Variants in ZNF282 observed in about 807,000 individuals in gnomAD.
ZNF282 encodes the protein HTLV-I U5 repressive element-binding protein 1.
Under a neutral mutation model 61.9 loss-of-function variants are expected in ZNF282, and 30 were observed. The ratio of observed to expected loss-of-function variants is 0.48; its 90% CI spans 0.36 to 0.66. The LOEUF is 0.66. Among genes scored for constraint, ZNF282 ranks in the 30% least tolerant of loss-of-function variants. ZNF282 has a pLI of 0.00. For synonymous variants in ZNF282, 396 were observed against 405.0 expected (o/e 0.98, Z 0.27); for missense variants, 788 against 941.4 (o/e 0.84, Z 2.13).
chr7:149,206,412 T>C (rs1795991251), intron 2 of ZNF282, among the ~76,000 whole-genome samples: 1 of 152,216 alleles, frequency 6.6e-6, no homozygotes, highest in Non-Finnish European at 1.5e-5. Flanking sequence ...GCATATTGAC[T>C]ACTCTTTACC....
chr7:149,217,740 G>T (rs1796181521), intron 7 of ZNF282, among the ~76,000 whole-genome samples: 1 of 152,124 alleles, frequency 6.6e-6, no homozygotes, highest in Non-Finnish European at 1.5e-5. Flanking sequence ...GTCAGGAAAG[G>T]CCTCCGAGGG....
In ZNF282 at chr7:149,223,805, TC is replaced by T; in HGVS notation, c.1181-3del. On this transcript the variant is annotated splice_polypyrimidine_tract_variant and splice_region_variant and intron_variant, in intron 7 of 7. Transcript: ENST00000610704. ...TGTCAGCATGTCACTTCTTCCTATC[TC>T]CCCAGGTGACAGCCTGCTGATGGTG... 2 of 1,486,876 alleles carry T rather than the reference TC, an allele frequency of 1.3e-6. No individual in the cohort carries two copies. The highest frequency in any genetic ancestry group is 1.8e-6 in the Non-Finnish European group (2 of 1,127,422). The allele number at this position is 1,486,876 out of a possible 1,614,324, so 92.1% of individuals were successfully genotyped here. A position where few individuals can be genotyped will look rare whatever the true frequency, so the allele number is the denominator to read the frequency against.
chr7:149,222,003 A>C (rs1796261983), intron 7 of ZNF282, among the ~76,000 whole-genome samples: 1 of 137,520 alleles, frequency 7.3e-6, no homozygotes, highest in African/African-American at 2.7e-5. Flanking sequence ...GGACTCCTCT[A>C]GGGAGAAAGG....
In ZNF282 at chr7:149,224,720, TGTCCTCAGCCACC is replaced by T. The variant is rs1227945174; in HGVS notation, c.*77_*89del. ...CCTGAGCACCAACCACCTTGCCGGG[TGTCCTCAGCCACC>T]GTCTGGAAATCGGCAACAGGCATTG... On this transcript the variant is annotated 3_prime_UTR_variant, in exon 8 of 8. Transcript: ENST00000610704. 34 of 1,440,540 alleles carry T rather than the reference TGTCCTCAGCCACC, an allele frequency of 2.4e-5. No homozygotes were observed. The highest frequency in any genetic ancestry group is 2.9e-5 in the Non-Finnish European group (32 of 1,102,672). 89.2% of individuals were successfully genotyped at this position (1,440,540 alleles called of 1,614,324 possible).
rs904382934 is a variant in ZNF282, at chr7:149,198,859, G to A, written c.585+107G>A. 1.3e-5 allele frequency: 19 copies of A among 1,428,272 alleles called. No individual in the cohort carries two copies. The highest frequency in any genetic ancestry group is 1.9e-4 in the Middle Eastern group (1 of 5,248). 88.5% of individuals were successfully genotyped at this position (1,428,272 alleles called of 1,614,324 possible). A position where few individuals can be genotyped will look rare whatever the true frequency, so the allele number is the denominator to read the frequency against. On this transcript the variant is annotated intron_variant, in intron 2 of 7. Coordinates refer to ENST00000610704, the MANE Select transcript of ZNF282 (RefSeq NM_003575.4). This position sits in a 1 kb window ranked among gnomAD's most constrained non-coding sequence, Gnocchi z 4.3. ...TTCTCATAAACTTCTCTGGCTCCCC[G>A]TTATCCAATTTCAGTGTCTTCTTAA...
intron 6 of ZNF282, among the ~76,000 whole-genome samples, chr7:149,212,913 A>G (rs1470121013): frequency 3.3e-5 from 5 of 152,222 alleles, no homozygotes; most frequent in Admixed American, 1.3e-4. Context: ...AATAAAAACA[A>G]CCAAAAAGCA....
chr7:149,222,046 C>T lies in ZNF282; in HGVS notation c.1181-1766C>T, dbSNP rs74594518. Among the ~76,000 whole-genome samples, 751 of 80,482 alleles carry T rather than the reference C, an allele frequency of 9.3e-3. 9 individuals carry two copies. Among genetic ancestry groups the T allele is most frequent in the African/African-American group, 0.033 (688 of 21,028 alleles). The allele number at this position is 80,482 out of a possible 152,430, so 52.8% of individuals were successfully genotyped here. A position where few individuals can be genotyped will look rare whatever the true frequency, so the allele number is the denominator to read the frequency against. On this transcript the variant is annotated intron_variant, in intron 7 of 7. Transcript: ENST00000610704. ...ACTGAAGACCAGGGAGGTGATGGAG[C>T]GTGAGGCATGAGAACCACTGGGCTG...
chr7:149,195,782 C>G, intron 1 of ZNF282, 28 bp downstream of exon 1: 3 of 1,467,702 alleles, frequency 2.0e-6, no homozygotes, highest in Non-Finnish European at 2.7e-6. Flanking sequence ...GCGCCATGGC[C>G]GCGCTGCCGT....
intron 7 of ZNF282, 134 bp downstream of exon 7, chr7:149,213,948 T>C (rs1419822382): frequency 1.6e-6 from 1 of 622,086 alleles, no homozygotes; most frequent in African/African-American, 1.8e-5. Context: ...GTTTCAAAGT[T>C]CTGCACCAAA....
chr7:149,224,687 G>C lies in ZNF282; in HGVS notation c.*40G>C, dbSNP rs779007095. The C allele has an allele frequency of 2.1e-6, 3 of 1,452,990 alleles. No homozygotes were observed. In the South Asian group the frequency reaches 4.2e-5, roughly 20 times the overall value. The allele number at this position is 1,452,990 out of a possible 1,614,324, so 90.0% of individuals were successfully genotyped here. A position where few individuals can be genotyped will look rare whatever the true frequency, so the allele number is the denominator to read the frequency against. The stretch of plus-strand genomic sequence containing the variant: ...AGGGCAGGGCCGGACGGAGTGGATC[G>C]GGGGCGGCCTGAGCACCAACCACCT... On this transcript the variant is annotated 3_prime_UTR_variant, in exon 8 of 8. Coordinates refer to ENST00000610704, the MANE Select transcript of ZNF282 (RefSeq NM_003575.4).
chr7:149,222,945 C>CGAAAAGATTTGT (rs1300962621), intron 7 of ZNF282, among the ~76,000 whole-genome samples: 1 of 151,472 alleles, frequency 6.6e-6, no homozygotes. Flanking sequence ...TGCGCCTGGC[C>CGAAAAGATTTGT]TTTTTAAATT....
chr7:149,204,366 T>C (rs1227164281), intron 2 of ZNF282, among the ~76,000 whole-genome samples: 1 of 151,996 alleles, frequency 6.6e-6, no homozygotes, highest in Admixed American at 6.5e-5. Flanking sequence ...AAAGAATGCA[T>C]AGATGGTGAA....
chr7:149,198,866 A>G lies in ZNF282; in HGVS notation c.585+114A>G. The G allele has an allele frequency of 1.4e-6, 2 of 1,388,000 alleles. No homozygotes were observed. The highest frequency in any genetic ancestry group is 1.9e-6 in the Non-Finnish European group (2 of 1,039,290). 86.0% of individuals were successfully genotyped at this position (1,388,000 alleles called of 1,614,324 possible). On this transcript the variant is annotated intron_variant, in intron 2 of 7. Coordinates refer to ENST00000610704, the MANE Select transcript of ZNF282 (RefSeq NM_003575.4). The surrounding 1 kb of genome is among the most constrained non-coding windows in gnomAD (Gnocchi z 4.3). ...AAACTTCTCTGGCTCCCCGTTATCC[A>G]ATTTCAGTGTCTTCTTAAAGCCTGT...
intron 7 of ZNF282, among the ~76,000 whole-genome samples, chr7:149,218,104 G>GAAA (rs553203834): frequency 2.1e-5 from 2 of 96,556 alleles, no homozygotes. Context: ...CCCTGTCTCA[G>GAAA]AAAAAAAAAA....
intron 6 of ZNF282, among the ~76,000 whole-genome samples, chr7:149,213,426 T>C (rs1035483879): frequency 6.6e-6 from 1 of 152,152 alleles, no homozygotes; most frequent in Non-Finnish European, 1.5e-5. Flanking sequence ...TGGGGCTAAG[T>C]GGCAGAGCTG....
intron 1 of ZNF282, 30 bp downstream of exon 1, chr7:149,195,784 C>T (rs1344918732): frequency 2.0e-6 from 3 of 1,466,382 alleles, no homozygotes; most frequent in East Asian, 3.0e-5. Flanking sequence ...GCCATGGCCG[C>T]GCTGCCGTGG....
At chr7:149,221,209 G>A (rs1181850637) in intron 7 of ZNF282, among the ~76,000 whole-genome samples, 1 of 152,220 alleles carries the variant, frequency 6.6e-6, no homozygotes, top group Non-Finnish European at 1.5e-5. Context: ...ATGAGCCACA[G>A]TGCCTGGCCA....
chr7:149,210,199 A>G (rs957229545), intron 4 of ZNF282, among the ~76,000 whole-genome samples: 6 of 152,158 alleles, frequency 3.9e-5, no homozygotes, highest in African/African-American at 1.2e-4. Context: ...ACAAGGACTA[A>G]TGACTCCCAC....
intron 4 of ZNF282, among the ~76,000 whole-genome samples, chr7:149,209,158 AAC>A (rs1208998059): frequency 6.6e-6 from 1 of 151,192 alleles, no homozygotes; most frequent in East Asian, 1.9e-4. Flanking sequence ...CTCTACTAAA[AAC>A]ACAAAAAATT....
Sources: allele counts gnomAD v4.1 joint callset (sites outside exome capture counted in the v4.1 genomes callset), GRCh38; gene constraint gnomAD v4.1.1; non-coding constraint Gnocchi (gnomAD v3.1); transcripts MANE v1.5; gene names NCBI Gene and HGNC (gene_info 2026-07-23, HGNC 2026-07-21).